Variants in BPGM observed in about 807,000 individuals in gnomAD.
BPGM encodes the protein bisphosphoglycerate mutase.
Under a neutral mutation model 21.6 loss-of-function variants are expected in BPGM, and 15 were observed. That is an observed-to-expected ratio of 0.70 (90% CI 0.47 to 1.07). The LOEUF is 1.07. Among genes scored for constraint, BPGM ranks in the 50% least tolerant of loss-of-function variants. The pLI is 0.00. For synonymous variants in BPGM, 113 were observed against 116.2 expected, an observed-to-expected ratio of 0.97 and a Z score of 0.18; for missense variants, 273 against 319.0, an observed-to-expected ratio of 0.86 and a Z score of 1.10.
intron 2 of BPGM, among the ~76,000 whole-genome samples, chr7:134,663,051 C>G (rs1201718938): frequency 6.6e-6 from 1 of 152,150 alleles, no homozygotes; most frequent in African/African-American, 2.4e-5. Context: ...GTTTTCCTGC[C>G]TTTCATCACT....
At chr7:134,670,158 G>C (rs1402190869) in intron 2 of BPGM, among the ~76,000 whole-genome samples, 1 of 152,178 alleles carries the variant, frequency 6.6e-6, no homozygotes, top group Non-Finnish European at 1.5e-5. Flanking sequence ...GGACGAGGCA[G>C]TTTCAAGTTT....
intron 1 of BPGM, among the ~76,000 whole-genome samples, chr7:134,660,973 T>C (rs1413120633): frequency 1.3e-5 from 2 of 152,216 alleles, no homozygotes; most frequent in African/African-American, 2.4e-5. Flanking sequence ...TTTAATAACT[T>C]CTATAATAAG....
At position 134,679,112 on chromosome 7, in the gene BPGM, T is replaced by A; in HGVS notation, c.*81T>A. 1 of 1,476,040 alleles carries A rather than the reference T, an allele frequency of 6.8e-7. No individual in the cohort carries two copies. Among genetic ancestry groups the A allele is most frequent in the Non-Finnish European group, 9.3e-7 (1 of 1,072,986 alleles). The allele number at this position is 1,476,040 out of a possible 1,614,324, so 91.4% of individuals were successfully genotyped here. A position where few individuals can be genotyped will look rare whatever the true frequency, so the allele number is the denominator to read the frequency against. ...TATGGGTGCTGAACTCTCTCTCTTT[T>A]TCCCCGATTTTCCAGAGCTAGGCTG... On this transcript the variant is annotated 3_prime_UTR_variant, in exon 3 of 3. Transcript: ENST00000344924.
Position 134,648,143 on chromosome 7 carries a change from G to GT in BPGM, c.-62+1210dup, listed in dbSNP as rs1795494774. 1.6e-3 allele frequency among the ~76,000 whole-genome samples: 107 copies of GT among 64,878 alleles called. 2 individuals carry two copies. Among genetic ancestry groups the GT allele is most frequent in the African/African-American group, 4.4e-3 (60 of 13,600 alleles). 42.6% of individuals were successfully genotyped at this position (64,878 alleles called of 152,430 possible). A position where few individuals can be genotyped will look rare whatever the true frequency, so the allele number is the denominator to read the frequency against. ...TTTCTTTTGTTTTGGTTTTTTTTTT[G>GT]TTTTGTTTTCAGACGGAGTTTCGCT... On this transcript the variant is annotated intron_variant, in intron 1 of 2. Transcript: ENST00000344924.
chr7:134,647,265 G>GT lies in BPGM; in HGVS notation c.-62+329dup, dbSNP rs561801469. 5.9e-5 allele frequency: 9 copies of GT among 152,418 alleles called. No homozygotes were observed. The South Asian group carries it at 1.7e-3, about 28-fold the overall frequency. 9.4% of individuals were successfully genotyped at this position (152,418 alleles called of 1,614,324 possible). A position where few individuals can be genotyped will look rare whatever the true frequency, so the allele number is the denominator to read the frequency against. On this transcript the variant is annotated intron_variant, in intron 1 of 2. Coordinates refer to ENST00000344924, the MANE Select transcript of BPGM (RefSeq NM_001724.5). ...CTCTCTTCTGGATGTCTGAGGTACT[G>GT]TGTAGCAGAGCCCTTCCAATAGTAA...
intron 2 of BPGM, among the ~76,000 whole-genome samples, chr7:134,675,597 C>T (rs1214264551): frequency 6.6e-6 from 1 of 152,116 alleles, no homozygotes; most frequent in East Asian, 1.9e-4. Flanking sequence ...AATTCTATTT[C>T]ATTGATCTGT....
intron 2 of BPGM, among the ~76,000 whole-genome samples, chr7:134,670,016 G>T (rs779515777): frequency 2.6e-5 from 4 of 152,110 alleles, no homozygotes; most frequent in Non-Finnish European, 5.9e-5. Context: ...ATTCTCTGTG[G>T]TTGGCATAGT....
In BPGM at chr7:134,665,649, GAAAAAAAA is replaced by G. The variant is rs1164169964; in HGVS notation, c.601+3558_601+3565del. Among the ~76,000 whole-genome samples, 6 of 78,250 alleles carry G rather than the reference GAAAAAAAA, an allele frequency of 7.7e-5. 2 individuals are homozygous for G. Among genetic ancestry groups the G allele is most frequent in the Admixed American group, 2.9e-4 (2 of 6,800 alleles). 51.3% of individuals were successfully genotyped at this position (78,250 alleles called of 152,430 possible). Reference sequence around the variant, plus strand: ...AAAATAAAATAAAATAAAAATTAATGAAAAAAAAAAAAAAAAAAAAAAAAGTGCAGCTT... The same window carrying G: ...AAAATAAAATAAAATAAAAATTAATGAAAAAAAAAAAAAAAAGTGCAGCTT... On this transcript the variant is annotated intron_variant, in intron 2 of 2. Coordinates refer to ENST00000344924, the MANE Select transcript of BPGM (RefSeq NM_001724.5).
rs368692179 is a variant in BPGM, at chr7:134,661,960, A to G, written c.453A>G (p.Gln151=). 1.1e-5 allele frequency: 17 copies of G among 1,614,070 alleles called. No homozygotes were observed. In the African/African-American group the frequency reaches 1.5e-4, roughly 14 times the overall value. Residue 151 remains glutamine (Q), a synonymous_variant, in exon 2 of 3, where the codon CAA becomes CAG. Coordinates refer to ENST00000344924, the MANE Select transcript of BPGM (RefSeq NM_001724.5). The surrounding 1 kb of genome is among the most constrained non-coding windows in gnomAD (Gnocchi z 4.6). ...RYKVCDVPLD[Q]LPRSESLKDV... is the part of the protein sequence containing the mutation. ...AAGTATGCGATGTGCCCTTGGATCA[A>G]CTGCCACGGTCGGAAAGCTTAAAGG...
At chr7:134,647,095 C>A (rs1339873155) in intron 1 of BPGM, 158 bp downstream of exon 1, 2 of 153,226 alleles carry the variant, frequency 1.3e-5, no homozygotes, top group African/African-American at 4.8e-5. Context: ...CTGGGACCCT[C>A]ACTTATCGCC....
In BPGM at chr7:134,646,879, T is replaced by C; in HGVS notation, c.-120T>C. On this transcript the variant is annotated 5_prime_UTR_variant, in exon 1 of 3. Transcript: ENST00000344924. ...ATGAGTCCTAGGAGGCGCTGGCTCT[T>C]TGGCGGCTCGGAGGAGCGGCTGCTG... 1 of 187,986 alleles carries C rather than the reference T, an allele frequency of 5.3e-6. No individual in the cohort carries two copies. Among genetic ancestry groups the C allele is most frequent in the Non-Finnish European group, 1.1e-5 (1 of 87,564 alleles). The allele number at this position is 187,986 out of a possible 1,614,324, so 11.6% of individuals were successfully genotyped here.
At chr7:134,675,840 T>C (rs1001137489) in intron 2 of BPGM, among the ~76,000 whole-genome samples, 1 of 152,228 alleles carries the variant, frequency 6.6e-6, no homozygotes, top group Non-Finnish European at 1.5e-5. Context: ...AACAGTGTTA[T>C]GTCTTCTAAT....
chr7:134,665,041 A>C (rs1249862605), intron 2 of BPGM, among the ~76,000 whole-genome samples: 2 of 152,230 alleles, frequency 1.3e-5, no homozygotes, highest in Non-Finnish European at 2.9e-5. Flanking sequence ...CACAACTCTG[A>C]ATATGCTAAG....
chr7:134,669,678 T>G (rs1027797907), intron 2 of BPGM, among the ~76,000 whole-genome samples: 10 of 152,354 alleles, frequency 6.6e-5, no homozygotes, highest in Admixed American at 6.5e-4. Flanking sequence ...CCCTGTCAAA[T>G]GACTTATTTA....
At chr7:134,651,231 A>C (rs555396846) in intron 1 of BPGM, among the ~76,000 whole-genome samples, 60 of 152,302 alleles carry the variant, frequency 3.9e-4, no homozygotes, top group Non-Finnish European at 7.9e-4. Flanking sequence ...TAACTTCAAC[A>C]TTATATTGCT....
At position 134,669,277 on chromosome 7, in the gene BPGM, C is replaced by T. The variant is rs111874635; in HGVS notation, c.601+7169C>T. Reference sequence around the variant, plus strand: ...GAGCCATCTGGTTCTGACTTTAGCACCTAAACCATGGTCATTATAGGGAAC... The same window carrying T: ...GAGCCATCTGGTTCTGACTTTAGCATCTAAACCATGGTCATTATAGGGAAC... On this transcript the variant is annotated intron_variant, in intron 2 of 2. Transcript: ENST00000344924. Among the ~76,000 whole-genome samples, 459 of 152,284 alleles carry T rather than the reference C, an allele frequency of 3.0e-3. 4 individuals carry two copies. The highest frequency in any genetic ancestry group is 0.011 in the African/African-American group (444 of 41,548).
chr7:134,672,546 A>G lies in BPGM; in HGVS notation c.602-6307A>G, dbSNP rs80147351. ...TGACAACTGTATTTAACTCCACACC[A>G]CTGTGGAGAGGGGTAGGTACAGGGT... On this transcript the variant is annotated intron_variant, in intron 2 of 2. Transcript: ENST00000344924. Among the ~76,000 whole-genome samples the G allele has an allele frequency of 4.3e-3, 662 of 152,196 alleles. 15 individuals are homozygous for G. The East Asian group carries it at 0.08, about 18-fold the overall frequency.
chr7:134,678,498 C>T (rs1374769414), intron 2 of BPGM, among the ~76,000 whole-genome samples: 4 of 152,170 alleles, frequency 2.6e-5, no homozygotes, highest in Admixed American at 6.5e-5. Context: ...ACAGCCAATG[C>T]TCCTGGTTCA....
At chr7:134,652,004 T>C (rs1192057934) in intron 1 of BPGM, among the ~76,000 whole-genome samples, 1 of 152,222 alleles carries the variant, frequency 6.6e-6, no homozygotes, top group Non-Finnish European at 1.5e-5. Context: ...ATGAATCCTA[T>C]AGTTTTCCCC....
Sources: gnomAD v4.1 joint callset for allele counts (sites outside exome capture counted in the v4.1 genomes callset) on GRCh38, gnomAD v4.1.1 for gene constraint, Gnocchi (gnomAD v3.1) non-coding constraint, MANE v1.5 for transcripts, NCBI Gene and HGNC (gene_info 2026-07-23, HGNC 2026-07-21) for gene names.